LYPD6: variants seen among roughly 807,000 people sequenced by gnomAD.
LYPD6 encodes the protein ly6/PLAUR domain-containing protein 6.
LYPD6 carries 15 observed loss-of-function variants against 22.7 expected under a neutral mutation model. The observed-to-expected ratio is 0.66, with a 90% confidence interval of 0.44 to 1.02. LYPD6 has a LOEUF of 1.02. Among genes scored for constraint, LYPD6 ranks in the 50% least tolerant of loss-of-function variants. The pLI is 0.00. For missense variants in LYPD6, 189 were observed against 208.4 expected (o/e 0.91, Z 0.57); for synonymous variants, 72 against 77.5 (o/e 0.93, Z 0.37).
rs73964413 is a variant in LYPD6, at chr2:149,376,935, T to C, written c.-72+46213T>C. Among the ~76,000 whole-genome samples the C allele has an allele frequency of 2.4e-3, 364 of 152,384 alleles. 3 individuals carry two copies. The highest frequency in any genetic ancestry group is 8.2e-3 in the African/African-American group (340 of 41,588). ...CATGTTCTTTTCTCCTGGTTTTATATAAACTGTCTACAGTGCAGTCACCAA... is the reference window on the plus strand; with the variant it reads ...CATGTTCTTTTCTCCTGGTTTTATACAAACTGTCTACAGTGCAGTCACCAA... On this transcript the variant is annotated intron_variant, in intron 1 of 4. Coordinates refer to ENST00000334166, the MANE Select transcript of LYPD6 (RefSeq NM_194317.5).
At chr2:149,372,093 C>T (rs1194786654) in intron 1 of LYPD6, among the ~76,000 whole-genome samples, 1 of 152,036 alleles carries the variant, frequency 6.6e-6, no homozygotes, top group Non-Finnish European at 1.5e-5. Flanking sequence ...TTATTCTGGA[C>T]AGAAAGACAA....
chr2:149,363,474 C>T (rs1016509132), intron 1 of LYPD6, among the ~76,000 whole-genome samples: 3 of 152,302 alleles, frequency 2.0e-5, no homozygotes, highest in Admixed American at 6.5e-5. Flanking sequence ...TCTGTGGCCA[C>T]AGCGCTGTAT....
chr2:149,404,164 C>T (rs1682633954), intron 1 of LYPD6, among the ~76,000 whole-genome samples: 2 of 152,076 alleles, frequency 1.3e-5, no homozygotes, highest in South Asian at 2.1e-4. Context: ...AGTCAGGTGG[C>T]GTGATGCCTC....
chr2:149,483,693 G>A, the LYPD6 span, among the ~76,000 whole-genome samples: 4 of 152,116 alleles, frequency 2.6e-5, no homozygotes, highest in African/African-American at 4.8e-5. Flanking sequence ...TAAGCAGCTC[G>A]ACTTAATCAT....
intron 1 of LYPD6, among the ~76,000 whole-genome samples, chr2:149,386,214 A>G (rs1682181440): frequency 6.6e-6 from 1 of 152,218 alleles, no homozygotes; most frequent in African/African-American, 2.4e-5. Context: ...AAGCAATGGC[A>G]GGGTACTAGG....
intron 1 of LYPD6, among the ~76,000 whole-genome samples, chr2:149,351,359 A>G (rs780544065): frequency 2.1e-4 from 30 of 142,366 alleles, no homozygotes; most frequent in Non-Finnish European, 4.0e-4. Context: ...ATGCCACTGC[A>G]CTCCAGCCTG....
intron 1 of LYPD6, among the ~76,000 whole-genome samples, chr2:149,411,734 A>T (rs1266343079): frequency 6.6e-6 from 1 of 152,234 alleles, no homozygotes; most frequent in East Asian, 1.9e-4. Flanking sequence ...ACATGGTAAG[A>T]CAATTCAAAC....
chr2:149,369,029 C>A (rs553320977), intron 1 of LYPD6, among the ~76,000 whole-genome samples: 1 of 152,126 alleles, frequency 6.6e-6, no homozygotes, highest in African/African-American at 2.4e-5. Flanking sequence ...GTGTCCAGAT[C>A]TGGAGCTCAG....
intron 1 of LYPD6, among the ~76,000 whole-genome samples, chr2:149,411,988 G>A (rs72863932): frequency 8.0e-4 from 121 of 152,042 alleles, no homozygotes; most frequent in Non-Finnish European, 1.4e-3. Context: ...AAGTCTGTAC[G>A]ATATTCTTTT....
intron 1 of LYPD6, among the ~76,000 whole-genome samples, chr2:149,424,996 G>T (rs1218200428): frequency 1.3e-5 from 2 of 152,144 alleles, no homozygotes; most frequent in East Asian, 1.9e-4. Context: ...GGAGTCCAGG[G>T]CATTCCACAG....
intron 1 of LYPD6, among the ~76,000 whole-genome samples, chr2:149,339,832 C>A (rs777587321): frequency 6.6e-6 from 1 of 152,072 alleles, no homozygotes; most frequent in African/African-American, 2.4e-5. Context: ...TAGGTGTATG[C>A]GTGAGTAATT....
At chr2:149,463,925 T>G (rs1486044427) in intron 3 of LYPD6, among the ~76,000 whole-genome samples, 1 of 152,048 alleles carries the variant, frequency 6.6e-6, no homozygotes, top group African/African-American at 2.4e-5. Flanking sequence ...TGAGGGATCC[T>G]TATGGCTGTG....
chr2:149,419,682 C>A (rs1390557196), intron 1 of LYPD6, among the ~76,000 whole-genome samples: 2 of 152,218 alleles, frequency 1.3e-5, no homozygotes, highest in African/African-American at 4.8e-5. Context: ...CATGCACAGA[C>A]AAGCTGGCAG....
At chr2:149,474,807 C>T (rs191774572), downstream of LYPD6, among the ~76,000 whole-genome samples, 4 of 152,214 alleles carry the variant, frequency 2.6e-5, no homozygotes, top group East Asian at 1.9e-4. Context: ...TCACTCTTGT[C>T]GCCAGGCTGC....
chr2:149,336,419 T>C (rs1681034958), intron 1 of LYPD6, among the ~76,000 whole-genome samples: 1 of 152,042 alleles, frequency 6.6e-6, no homozygotes, highest in Non-Finnish European at 1.5e-5. Context: ...TTATAGGAGA[T>C]AGTTTTAAAT....
rs1409476901 is a variant in LYPD6 at position 149,461,074 on chromosome 2, G to C, written c.218-7571G>C. Among the ~76,000 whole-genome samples the C allele has an allele frequency of 4.0e-5, 6 of 151,750 alleles. No individual in the cohort carries two copies. In the South Asian group the frequency reaches 8.3e-4, roughly 21 times the overall value. ...ACATCAAGAAGATGAAAAAGGAAGA[G>C]AAAAACAAACCAAAAGTCAAACAAA... On this transcript the variant is annotated intron_variant, in intron 3 of 4. Transcript: ENST00000334166.
chr2:149,345,841 C>T (rs1196691), intron 1 of LYPD6, among the ~76,000 whole-genome samples: 100,218 of 151,990 alleles, frequency 0.66, 34,151 homozygotes, highest in East Asian at 0.9. Context: ...GATATATTAA[C>T]AATATTAGCT....
rs570727706 is a variant in LYPD6, at chr2:149,380,609, T to C, written c.-72+49887T>C. Among the ~76,000 whole-genome samples, 7 of 152,348 alleles carry C rather than the reference T, an allele frequency of 4.6e-5. No individual in the cohort carries two copies. In the East Asian group the frequency reaches 1.3e-3, roughly 29 times the overall value. On this transcript the variant is annotated intron_variant, in intron 1 of 4. Coordinates refer to ENST00000334166, the MANE Select transcript of LYPD6 (RefSeq NM_194317.5). The stretch of plus-strand genomic sequence containing the variant: ...CAGATGTTTGGAGACTGACCAGTTA[T>C]TCTGTTTTGGACATTGAAAGTTTTA...
chr2:149,485,718 T>A, the LYPD6 span, among the ~76,000 whole-genome samples: 3 of 152,134 alleles, frequency 2.0e-5, no homozygotes, highest in Admixed American at 6.5e-5. Flanking sequence ...TATTTATAGG[T>A]TTTATCTTTT....
Sources: allele counts gnomAD v4.1 joint callset (sites outside exome capture counted in the v4.1 genomes callset), GRCh38; gene constraint gnomAD v4.1.1; transcripts MANE v1.5; gene names NCBI Gene and HGNC (gene_info 2026-07-23, HGNC 2026-07-21).